Variants in NOL4 observed in about 807,000 individuals in gnomAD.
The protein encoded by NOL4 is cancer/testis antigen 125.
Under a neutral mutation model 75.9 loss-of-function variants are expected in NOL4, and 17 were observed. That is an observed-to-expected ratio of 0.22 (90% CI 0.15 to 0.34). NOL4 has a LOEUF of 0.34. Ranked by LOEUF, NOL4 falls within the 10% of genes least tolerant of loss-of-function variation. NOL4 has a pLI of 1.00. For synonymous variants in NOL4, 292 were observed against 289.9 expected (o/e 1.01, Z -0.07); for missense variants, 614 against 793.5 (o/e 0.77, Z 2.72).
chr18:33,972,791 T>C (rs1170946253), intron 6 of NOL4, among the ~76,000 whole-genome samples: 2 of 152,206 alleles, frequency 1.3e-5, no homozygotes, highest in Non-Finnish European at 2.9e-5. Flanking sequence ...AATAAAGCAA[T>C]GCACATATCT....
intron 10 of NOL4, among the ~76,000 whole-genome samples, chr18:33,874,918 C>A (rs2063861032): frequency 6.6e-6 from 1 of 151,866 alleles, no homozygotes; most frequent in Admixed American, 6.6e-5. Context: ...GACAAAACCC[C>A]AAATATTAAT....
At chr18:34,222,706 G>A (rs1451216636) in intron 1 of NOL4, among the ~76,000 whole-genome samples, 1 of 152,178 alleles carries the variant, frequency 6.6e-6, no homozygotes, top group East Asian at 1.9e-4. Context: ...CGCCCGACCC[G>A]GGGAAGGAAG....
intron 9 of NOL4, among the ~76,000 whole-genome samples, chr18:33,928,772 G>A (rs142379144): frequency 2.4e-3 from 361 of 152,140 alleles, no homozygotes; most frequent in Non-Finnish European, 4.4e-3. Flanking sequence ...CTTTAAGATA[G>A]GAAGAATAGA....
intron 6 of NOL4, among the ~76,000 whole-genome samples, chr18:33,991,198 A>T (rs910294777): frequency 2.0e-5 from 3 of 152,036 alleles, no homozygotes; most frequent in Non-Finnish European, 2.9e-5. Context: ...TATGGAAAAC[A>T]TCTGTTCTCT....
intron 6 of NOL4, among the ~76,000 whole-genome samples, chr18:33,982,120 A>T (rs2072011186): frequency 6.6e-6 from 1 of 152,120 alleles, no homozygotes; most frequent in African/African-American, 2.4e-5. Context: ...TGCATACGGC[A>T]GGAAAAGAGG....
At chr18:34,008,100 G>A (rs2074143755) in intron 6 of NOL4, among the ~76,000 whole-genome samples, 2 of 151,984 alleles carry the variant, frequency 1.3e-5, no homozygotes, top group Non-Finnish European at 2.9e-5. Context: ...ATAAAAGAAA[G>A]AGGTGGAGAA....
chr18:34,161,204 TTATC>T (rs966509526), intron 1 of NOL4, among the ~76,000 whole-genome samples: 1 of 152,182 alleles, frequency 6.6e-6, no homozygotes, highest in Non-Finnish European at 1.5e-5. Context: ...CATATTTTCT[TTATC>T]CATCTGTTGA....
intron 6 of NOL4, among the ~76,000 whole-genome samples, chr18:33,983,252 A>T (rs570053992): frequency 2.6e-5 from 4 of 152,280 alleles, no homozygotes; most frequent in Admixed American, 2.6e-4. Flanking sequence ...ATTTTATATG[A>T]TACTATAATA....
intron 1 of NOL4, among the ~76,000 whole-genome samples, chr18:34,139,054 T>G (rs2145972559): frequency 6.6e-6 from 1 of 152,354 alleles, no homozygotes; most frequent in Non-Finnish European, 1.5e-5. Flanking sequence ...ATAAGCTTTT[T>G]GATGTGCTGC....
chr18:33,917,068 C>CT (rs957383865), intron 9 of NOL4, among the ~76,000 whole-genome samples: 36 of 151,996 alleles, frequency 2.4e-4, no homozygotes, highest in South Asian at 8.3e-4. Flanking sequence ...TGATAAGCAG[C>CT]TTTTTTTTCA....
chr18:34,223,360 C>G lies in NOL4; in HGVS notation c.-107G>C, dbSNP rs1029419761. 5.0e-5 allele frequency: 74 copies of G among 1,485,364 alleles called. No individual in the cohort carries two copies. In the African/African-American group the frequency reaches 9.9e-4, roughly 20 times the overall value. 92.0% of individuals were successfully genotyped at this position (1,485,364 alleles called of 1,614,324 possible). A position where few individuals can be genotyped will look rare whatever the true frequency, so the allele number is the denominator to read the frequency against. On this transcript the variant is annotated 5_prime_UTR_variant, in exon 1 of 11. Transcript: ENST00000261592. ...CGGCCACGTTGCAGGGATGCGAGGTCCCGGCCGCAGCGGGAGCCTGCTTTG... is the reference window on the plus strand; with the variant it reads ...CGGCCACGTTGCAGGGATGCGAGGTGCCGGCCGCAGCGGGAGCCTGCTTTG...
chr18:34,222,303 C>A, intron 1 of NOL4: 1 of 1,314,514 alleles, frequency 7.6e-7, no homozygotes, highest in Non-Finnish European at 9.7e-7. Context: ...CATCTTCTAG[C>A]TGCGGCTTTA....
chr18:33,975,366 T>C (rs531303044), intron 6 of NOL4, among the ~76,000 whole-genome samples: 1 of 152,358 alleles, frequency 6.6e-6, no homozygotes, highest in Non-Finnish European at 1.5e-5. Context: ...TTACCATTTG[T>C]ACAAAGAAGA....
chr18:34,138,750 G>C (rs1006601362), intron 1 of NOL4, among the ~76,000 whole-genome samples: 1 of 152,142 alleles, frequency 6.6e-6, no homozygotes, highest in Non-Finnish European at 1.5e-5. Flanking sequence ...TCCCTGTCTT[G>C]TGCCAGTTTT....
chr18:34,181,810 A>G (rs538579212), intron 1 of NOL4, among the ~76,000 whole-genome samples: 1 of 151,818 alleles, frequency 6.6e-6, no homozygotes, highest in South Asian at 2.1e-4. Context: ...TATGCATAAC[A>G]TCATTAGTCA....
chr18:33,867,123 G>A (rs567423681), intron 10 of NOL4, among the ~76,000 whole-genome samples: 84 of 152,230 alleles, frequency 5.5e-4, no homozygotes, highest in African/African-American at 1.9e-3. Context: ...TAGTTTACTT[G>A]TAAATACCGT....
intron 5 of NOL4, among the ~76,000 whole-genome samples, chr18:34,062,124 G>A (rs925491700): frequency 6.6e-6 from 1 of 151,980 alleles, no homozygotes; most frequent in African/African-American, 2.4e-5. Flanking sequence ...AATAAGAAAT[G>A]CCCAATGAGA....
Position 34,129,994 on chromosome 18 carries a change from T to C in NOL4, c.291A>G (p.Leu97=), listed in dbSNP as rs748903934. 38 of 1,597,310 alleles carry C rather than the reference T, an allele frequency of 2.4e-5. No individual in the cohort carries two copies. Among genetic ancestry groups the C allele is most frequent in the African/African-American group, 9.4e-5 (7 of 74,274 alleles). The change falls in exon 2 of 11, where the codon CTA becomes CTG. Residue 97 remains leucine (L), a synonymous_variant. Transcript: ENST00000261592. ...TTDGVGVDEK[L]SLRRVAVVED... Reference sequence around the variant, plus strand: ...CAACCACAGCTACCCGTCGTAAAGATAGCTTCTCATCTACCCCTACGCCAT... The same window carrying C: ...CAACCACAGCTACCCGTCGTAAAGACAGCTTCTCATCTACCCCTACGCCAT...
At chr18:33,861,808 T>C (rs2063149260) in intron 10 of NOL4, among the ~76,000 whole-genome samples, 1 of 152,140 alleles carries the variant, frequency 6.6e-6, no homozygotes, top group East Asian at 1.9e-4. Context: ...TGCTCATGGG[T>C]AGGAAGAATC....
Sources: gnomAD v4.1 joint callset for allele counts (sites outside exome capture counted in the v4.1 genomes callset) on GRCh38, gnomAD v4.1.1 for gene constraint, MANE v1.5 for transcripts, NCBI Gene and HGNC (gene_info 2026-07-23, HGNC 2026-07-21) for gene names.